Variants in TENM2 observed in about 807,000 individuals in gnomAD.
TENM2 encodes the protein teneurin-2.
A neutral mutation model predicts 245.2 loss-of-function variants in TENM2; 52 were observed. The observed-to-expected ratio is 0.21, with a 90% CI of 0.17 to 0.27. The LOEUF is 0.27. Ranked by LOEUF, TENM2 falls within the 10% of genes least tolerant of loss-of-function variation. The probability of loss-of-function intolerance (pLI) is 1.00; values close to 1 mark genes in which losing one functional copy is unlikely to be tolerated. For missense variants in TENM2, 3,046 were observed against 3,666.8 expected, an observed-to-expected ratio of 0.83 and a Z score of 4.37; for synonymous variants, 1,363 against 1,438.9, an observed-to-expected ratio of 0.95 and a Z score of 1.19.
chr5:168,204,263 CG>C, intron 18 of TENM2, 108 bp from the exon 21 acceptor site: 1 of 1,217,416 alleles, frequency 8.2e-7, no homozygotes, highest in Admixed American at 2.4e-5. Context: ...GAGAGCTCCC[CG>C]AGCACTGAAG....
chr5:168,178,950 C>T (rs143062115), intron 13 of TENM2, among the ~76,000 whole-genome samples: 68 of 152,196 alleles, frequency 4.5e-4, no homozygotes, highest in African/African-American at 1.5e-3. Flanking sequence ...GGCTAGCCAA[C>T]ATGGTGAAAC....
chr5:167,826,774 C>G (rs190686515), intron 2 of TENM2, among the ~76,000 whole-genome samples: 32 of 152,282 alleles, frequency 2.1e-4, no homozygotes, highest in Non-Finnish European at 3.7e-4. Flanking sequence ...TTGGTAAAGG[C>G]GGATAGTCAA....
the TENM2 span, among the ~76,000 whole-genome samples, chr5:167,083,630 C>T: frequency 6.6e-6 from 1 of 152,040 alleles, no homozygotes; most frequent in African/African-American, 2.4e-5. Flanking sequence ...GCCGGTAGCA[C>T]AAATTGAGAT....
At chr5:167,668,245 G>T (rs1755701143) in intron 2 of TENM2, among the ~76,000 whole-genome samples, 1 of 152,108 alleles carries the variant, frequency 6.6e-6, no homozygotes, top group African/African-American at 2.4e-5. Context: ...GCTCCACCAA[G>T]AGTCCCCTTA....
chr5:168,077,663 TGAGAACA>T, intron 7 of TENM2, among the ~76,000 whole-genome samples: 1 of 152,012 alleles, frequency 6.6e-6, no homozygotes, highest in Non-Finnish European at 1.5e-5. Flanking sequence ...CATCTATGAG[TGAGAACA>T]TATGGTGTTT....
intron 2 of TENM2, among the ~76,000 whole-genome samples, chr5:167,612,478 C>T (rs1229357314): frequency 6.6e-6 from 1 of 152,024 alleles, no homozygotes; most frequent in Non-Finnish European, 1.5e-5. Context: ...GTGTTAATTT[C>T]CATGGCTACA....
At chr5:168,019,679 A>G (rs549586923) in intron 5 of TENM2, among the ~76,000 whole-genome samples, 1 of 152,362 alleles carries the variant, frequency 6.6e-6, no homozygotes, top group South Asian at 2.1e-4. Context: ...ATCAGCTGCA[A>G]TTTCAGTGGA....
At chr5:167,580,548 A>C (rs545626588) in intron 2 of TENM2, among the ~76,000 whole-genome samples, 1 of 152,366 alleles carries the variant, frequency 6.6e-6, no homozygotes, top group Admixed American at 6.5e-5. Context: ...CTTAGATACC[A>C]CAAGGAGGCT....
chr5:167,665,740 C>T (rs548625277), intron 2 of TENM2, among the ~76,000 whole-genome samples: 2 of 152,096 alleles, frequency 1.3e-5, no homozygotes, highest in Admixed American at 1.3e-4. Context: ...CGTGTAATAG[C>T]TCTAATGTTA....
chr5:167,520,203 T>G (rs1255891148), intron 2 of TENM2, among the ~76,000 whole-genome samples: 1 of 152,178 alleles, frequency 6.6e-6, no homozygotes, highest in Non-Finnish European at 1.5e-5. Context: ...TGATATTCCC[T>G]GTAACCATTA....
chr5:167,511,611 TC>T (rs1769961360), intron 2 of TENM2, among the ~76,000 whole-genome samples: 1 of 152,192 alleles, frequency 6.6e-6, no homozygotes, highest in Non-Finnish European at 1.5e-5. Context: ...AGTTTCCTTC[TC>T]CATGAATGAG....
intron 2 of TENM2, among the ~76,000 whole-genome samples, chr5:167,474,232 A>G (rs1221654339): frequency 2.0e-5 from 3 of 152,198 alleles, no homozygotes; most frequent in Admixed American, 6.5e-5. Flanking sequence ...TTTTAACTAT[A>G]TCATATATTT....
intron 1 of TENM2, among the ~76,000 whole-genome samples, chr5:167,333,990 G>A (rs184753240): frequency 6.6e-6 from 1 of 152,144 alleles, no homozygotes; most frequent in East Asian, 1.9e-4. Context: ...TATGTATTTT[G>A]TAACTAAATA....
chr5:167,130,587 CA>C, the TENM2 span, among the ~76,000 whole-genome samples: 1 of 152,176 alleles, frequency 6.6e-6, no homozygotes, highest in Non-Finnish European at 1.5e-5. Context: ...TTCAGTTTCC[CA>C]TCCGAAGAGC....
chr5:167,807,069 C>T (rs1354387661), intron 2 of TENM2, among the ~76,000 whole-genome samples: 2 of 139,146 alleles, frequency 1.4e-5, no homozygotes, highest in Admixed American at 1.6e-4. Context: ...TGGTCCAAAG[C>T]CCCCATCATA....
At chr5:167,728,016 A>G (rs927721218) in intron 2 of TENM2, among the ~76,000 whole-genome samples, 5 of 152,182 alleles carry the variant, frequency 3.3e-5, no homozygotes, top group Admixed American at 6.5e-5. Context: ...TGTGTCAACA[A>G]TCTGGCCCCA....
At chr5:167,082,429 G>A in the TENM2 span, among the ~76,000 whole-genome samples, 5 of 151,994 alleles carry the variant, frequency 3.3e-5, no homozygotes, top group South Asian at 4.2e-4. Context: ...GCATACAGGC[G>A]CCTGCCACCA....
chr5:167,110,070 A>G, the TENM2 span, among the ~76,000 whole-genome samples: 19 of 152,138 alleles, frequency 1.2e-4, no homozygotes, highest in Admixed American at 1.2e-3. Flanking sequence ...TTACCAGGAT[A>G]CCTAACCAGC....
chr5:167,513,244 G>T (rs573779055), intron 2 of TENM2, among the ~76,000 whole-genome samples: 1 of 152,072 alleles, frequency 6.6e-6, no homozygotes, highest in Non-Finnish European at 1.5e-5. Flanking sequence ...ACCTTCTGAG[G>T]GTTTTTGAAA....
Sources: allele counts gnomAD v4.1 joint callset (sites outside exome capture counted in the v4.1 genomes callset), GRCh38; gene constraint gnomAD v4.1.1; transcripts MANE v1.5; gene names NCBI Gene and HGNC (gene_info 2026-07-23, HGNC 2026-07-21).